MARK3: variants seen among roughly 807,000 people sequenced by gnomAD.
The protein encoded by MARK3 is MAP/microtubule affinity-regulating kinase 3.
MARK3 carries 46 observed loss-of-function variants against 90.1 expected under a neutral mutation model. The observed-to-expected ratio is 0.51, with a 90% CI of 0.40 to 0.65. The LOEUF is 0.65. Ranked by LOEUF, MARK3 falls within the 30% of genes least tolerant of loss-of-function variation. The pLI is 0.00. For missense variants in MARK3, 818 were observed against 947.2 expected (o/e 0.86, Z 1.79); for synonymous variants, 321 against 332.6 (o/e 0.97, Z 0.38).
rs558803180 is a variant in MARK3 at position 103,472,688 on chromosome 14, T to C, written c.1265-2305T>C. On this transcript the variant is annotated intron_variant, in intron 12 of 17. Coordinates refer to ENST00000429436, the MANE Select transcript of MARK3 (RefSeq NM_001128918.3). ...AAAAATGAAATTTCTGTGTGACACATCCATACCATGGACTACTACTCACAA... is the reference window on the plus strand; with the variant it reads ...AAAAATGAAATTTCTGTGTGACACACCCATACCATGGACTACTACTCACAA... Among the ~76,000 whole-genome samples, 17 of 143,688 alleles carry C rather than the reference T, an allele frequency of 1.2e-4. No individual in the cohort carries two copies. The South Asian group carries it at 3.8e-3, about 32-fold the overall frequency. 94.3% of individuals were successfully genotyped at this position (143,688 alleles called of 152,430 possible). A position where few individuals can be genotyped will look rare whatever the true frequency, so the allele number is the denominator to read the frequency against.
chr14:103,478,626 A>C (rs2093761852), intron 13 of MARK3, among the ~76,000 whole-genome samples: 1 of 120,914 alleles, frequency 8.3e-6, no homozygotes, highest in East Asian at 2.9e-4. Context: ...TGCAAACTCC[A>C]CCTCCCGGGT....
chr14:103,391,757 C>T (rs1185664407), intron 1 of MARK3, among the ~76,000 whole-genome samples: 4 of 139,952 alleles, frequency 2.9e-5, no homozygotes, highest in Non-Finnish European at 6.0e-5. Flanking sequence ...GGGGTTTCGC[C>T]ATGTTGGCCA....
chr14:103,403,226 T>A (rs2091069648), intron 1 of MARK3, among the ~76,000 whole-genome samples: 3 of 152,188 alleles, frequency 2.0e-5, no homozygotes, highest in African/African-American at 7.2e-5. Context: ...TCAGTGAATA[T>A]GTTTTCATTG....
intron 17 of MARK3, 103 bp from the exon 18 acceptor site, chr14:103,502,779 C>T (rs1275454413): frequency 3.5e-6 from 3 of 852,864 alleles, no homozygotes; most frequent in African/African-American, 3.4e-5. Context: ...GGAGGTCAGT[C>T]GTTAGTTGTG....
intron 1 of MARK3, among the ~76,000 whole-genome samples, chr14:103,400,175 A>T (rs2090865673): frequency 6.6e-6 from 1 of 152,054 alleles, no homozygotes; most frequent in Non-Finnish European, 1.5e-5. Flanking sequence ...GTGATCTGCT[A>T]GCCTTGGCCT....
intron 13 of MARK3, 151 bp downstream of exon 13, chr14:103,475,361 C>T: frequency 1.6e-6 from 1 of 631,264 alleles, no homozygotes; most frequent in East Asian, 2.7e-5. Flanking sequence ...GAAATCCTAC[C>T]TGCTGCATTG....
intron 14 of MARK3, among the ~76,000 whole-genome samples, chr14:103,485,665 G>A (rs560933163): frequency 2.4e-4 from 36 of 152,140 alleles, no homozygotes; most frequent in African/African-American, 8.2e-4. Context: ...GTTCTGATAG[G>A]GGCTAGAGGT....
intron 3 of MARK3, chr14:103,429,299 C>T (rs1341488843): frequency 6.6e-6 from 1 of 152,204 alleles, no homozygotes; most frequent in African/African-American, 2.4e-5. Context: ...TGACCTTGAG[C>T]AAGGCACTTA....
At chr14:103,394,786 C>G (rs1178375867) in intron 1 of MARK3, among the ~76,000 whole-genome samples, 1 of 152,018 alleles carries the variant, frequency 6.6e-6, no homozygotes, top group Non-Finnish European at 1.5e-5. Flanking sequence ...TAACTCTAGT[C>G]TTTTTTCTTT....
At chr14:103,418,727 A>G (rs993110933) in intron 2 of MARK3, among the ~76,000 whole-genome samples, 7 of 152,224 alleles carry the variant, frequency 4.6e-5, no homozygotes, top group African/African-American at 1.2e-4. Context: ...TAACAACTTT[A>G]CAGAAAGTTT....
At chr14:103,487,583 A>G (rs987179847) in intron 14 of MARK3, among the ~76,000 whole-genome samples, 15 of 152,142 alleles carry the variant, frequency 9.9e-5, no homozygotes, top group African/African-American at 2.7e-4. Flanking sequence ...GAAAGGGTCA[A>G]ACAACTCCTG....
chr14:103,470,834 G>A (rs1189726195), intron 12 of MARK3, among the ~76,000 whole-genome samples: 2 of 152,084 alleles, frequency 1.3e-5, no homozygotes, highest in Non-Finnish European at 2.9e-5. Context: ...ACTGCACAGG[G>A]CATTTTAGGT....
intron 1 of MARK3, among the ~76,000 whole-genome samples, chr14:103,403,337 TGTGTGTG>T (rs1487042173): frequency 3.1e-5 from 4 of 128,566 alleles, no homozygotes; most frequent in Non-Finnish European, 4.9e-5. Flanking sequence ...TGTGTGTGTG[TGTGTGTG>T]TGTGTGTGTG....
intron 2 of MARK3, among the ~76,000 whole-genome samples, chr14:103,411,829 G>A (rs531829071): frequency 2.8e-4 from 43 of 151,292 alleles, no homozygotes; most frequent in Non-Finnish European, 5.5e-4. Context: ...CATCATGTTG[G>A]CCAGGATGGT....
chr14:103,464,911 C>G (rs961373201), intron 7 of MARK3, among the ~76,000 whole-genome samples: 1 of 152,122 alleles, frequency 6.6e-6, no homozygotes, highest in Non-Finnish European at 1.5e-5. Context: ...GTTGCCCAAG[C>G]TGGTCTTGAA....
intron 1 of MARK3, among the ~76,000 whole-genome samples, chr14:103,387,947 T>C (rs2089941490): frequency 6.6e-6 from 1 of 152,066 alleles, no homozygotes; most frequent in Admixed American, 6.6e-5. Flanking sequence ...TTCTTTCTTT[T>C]TTGAGATGGA....
Position 103,465,600 on chromosome 14 carries a change from C to T in MARK3, c.584C>T (p.Ala195Val). Reference sequence around the variant, plus strand: ...GATGCCGATATGAACATTAAAATAGCAGATTTCGGTTTTAGCAATGAATTT... The same window carrying T: ...GATGCCGATATGAACATTAAAATAGTAGATTTCGGTTTTAGCAATGAATTT... ...LLDADMNIKI[A>V]DFGFSNEFTV... Residue 195 changes from alanine (A) to valine (V), a missense_variant, in exon 8 of 18, where the codon GCA becomes GTA. Physicochemically the swap from Ala to Val is moderately conservative, Grantham distance 64. Transcript: ENST00000429436. 6.2e-7 allele frequency: 1 copy of T among 1,614,066 alleles called. No homozygotes were observed. Among genetic ancestry groups the T allele is most frequent in the Non-Finnish European group, 8.5e-7 (1 of 1,179,980 alleles).
At chr14:103,424,249 G>T (rs1279727301) in intron 2 of MARK3, among the ~76,000 whole-genome samples, 1 of 151,654 alleles carries the variant, frequency 6.6e-6, no homozygotes, top group African/African-American at 2.4e-5. Flanking sequence ...CTTTGGAATA[G>T]TGACCGGATG....
chr14:103,500,120 C>A, intron 16 of MARK3, 36 bp from the exon 17 acceptor site: 1 of 1,567,980 alleles, frequency 6.4e-7, no homozygotes, highest in Non-Finnish European at 8.8e-7. Flanking sequence ...TTTTCTCTTT[C>A]CCTCTTCTCT....
Sources: allele counts gnomAD v4.1 joint callset (sites outside exome capture counted in the v4.1 genomes callset), GRCh38; gene constraint gnomAD v4.1.1; transcripts MANE v1.5; gene names NCBI Gene and HGNC (gene_info 2026-07-23, HGNC 2026-07-21).